Variants in CSMD2 observed in about 807,000 individuals in gnomAD.
The protein encoded by CSMD2 is CUB and sushi domain-containing protein 2.
A neutral mutation model predicts 398.5 loss-of-function variants in CSMD2; 130 were observed. That is an observed-to-expected ratio of 0.33 (90% CI 0.28 to 0.38). CSMD2 has a LOEUF of 0.38. Ranked by LOEUF, CSMD2 falls within the 10% of genes least tolerant of loss-of-function variation. CSMD2 has a pLI of 1.00. For missense variants in CSMD2, 3,829 were observed against 4,764.9 expected, an observed-to-expected ratio of 0.80 and a Z score of 5.78; for synonymous variants, 1,828 against 1,908.5, an observed-to-expected ratio of 0.96 and a Z score of 1.10.
In CSMD2 at chr1:34,134,238, C is replaced by T. The variant is rs537258067; in HGVS notation, c.187+30673G>A. On this transcript the variant is annotated intron_variant, in intron 1 of 70. Coordinates refer to ENST00000373381, the MANE Select transcript of CSMD2 (RefSeq NM_001281956.2). ...GCCAACACTCTTTGCCCTAGATCTT[C>T]AAACTCTTCTTTAAATCTCAACCCA... Among the ~76,000 whole-genome samples, 12 of 152,180 alleles carry T rather than the reference C, an allele frequency of 7.9e-5. 1 individual carries two copies. Among genetic ancestry groups the T allele is most frequent in the Non-Finnish European group, 1.3e-4 (9 of 68,020 alleles).
intron 6 of CSMD2, among the ~76,000 whole-genome samples, chr1:33,833,833 A>C (rs961767094): frequency 6.6e-6 from 1 of 152,110 alleles, no homozygotes; most frequent in African/African-American, 2.4e-5. Context: ...TACAAAAATC[A>C]CAAGCATTCT....
intron 16 of CSMD2, among the ~76,000 whole-genome samples, chr1:33,726,180 G>C (rs1170057587): frequency 6.6e-6 from 1 of 152,128 alleles, no homozygotes; most frequent in Non-Finnish European, 1.5e-5. Context: ...GTGGGGGGCT[G>C]CCTTCCCACG....
chr1:34,083,133 T>G (rs955071098), intron 2 of CSMD2, among the ~76,000 whole-genome samples: 1 of 150,258 alleles, frequency 6.7e-6, no homozygotes, highest in Non-Finnish European at 1.5e-5. Flanking sequence ...CATAGGCAGC[T>G]CTTTGGAGAA....
At chr1:34,053,663 A>G (rs1321218669) in intron 2 of CSMD2, among the ~76,000 whole-genome samples, 2 of 152,202 alleles carry the variant, frequency 1.3e-5, no homozygotes, top group Non-Finnish European at 2.9e-5. Flanking sequence ...TGCTATTTCC[A>G]GGCATCCTCC....
In CSMD2 at chr1:33,571,738, A is replaced by C. The variant is rs1483816127; in HGVS notation, c.7763-12T>G. On this transcript the variant is annotated splice_polypyrimidine_tract_variant and intron_variant, in intron 50 of 70. Transcript: ENST00000373381. ...AGGACAAGTCACAGCTGGGGAAATG[A>C]GGAAAAGAAAGGAGGATTAATTACT... 6.9e-7 allele frequency: 1 copy of C among 1,446,328 alleles called. No individual in the cohort carries two copies. The highest frequency in any genetic ancestry group is 9.2e-7 in the Non-Finnish European group (1 of 1,083,372). 89.6% of individuals were successfully genotyped at this position (1,446,328 alleles called of 1,614,324 possible). A position where few individuals can be genotyped will look rare whatever the true frequency, so the allele number is the denominator to read the frequency against.
At chr1:34,069,586 C>G (rs531073400) in intron 2 of CSMD2, among the ~76,000 whole-genome samples, 36 of 152,328 alleles carry the variant, frequency 2.4e-4, no homozygotes, top group Non-Finnish European at 2.9e-5. Flanking sequence ...AAAGCTCTTT[C>G]TGAATTCCCT....
intron 48 of CSMD2, among the ~76,000 whole-genome samples, chr1:33,579,285 T>G (rs1157615128): frequency 1.3e-5 from 2 of 152,176 alleles, no homozygotes; most frequent in African/African-American, 4.8e-5. Flanking sequence ...AAGTTTCTTT[T>G]CCATCATGCG....
chr1:33,555,819 T>G (rs397397), intron 55 of CSMD2, among the ~76,000 whole-genome samples: 2 of 152,370 alleles, frequency 1.3e-5, no homozygotes, highest in Non-Finnish European at 2.9e-5. Context: ...ACTAAAAAAT[T>G]TGTGTGACTT....
intron 3 of CSMD2, among the ~76,000 whole-genome samples, chr1:34,025,870 G>A (rs985330360): frequency 1.3e-5 from 2 of 152,192 alleles, no homozygotes; most frequent in Non-Finnish European, 2.9e-5. Flanking sequence ...CCGTCTGGCT[G>A]TAAAGCTAGA....
chr1:33,758,287 TAG>T (rs1232171364), intron 13 of CSMD2, among the ~76,000 whole-genome samples: 1 of 152,222 alleles, frequency 6.6e-6, no homozygotes, highest in Non-Finnish European at 1.5e-5. Flanking sequence ...GCTGCAGTGA[TAG>T]AGTCTGTATG....
intron 3 of CSMD2, among the ~76,000 whole-genome samples, chr1:33,947,844 T>C (rs1022478950): frequency 6.6e-6 from 1 of 152,212 alleles, no homozygotes; most frequent in Non-Finnish European, 1.5e-5. Context: ...TCTCATTTAA[T>C]GCTCATAATA....
At chr1:33,760,649 T>C (rs1041317313) in intron 13 of CSMD2, among the ~76,000 whole-genome samples, 4 of 152,160 alleles carry the variant, frequency 2.6e-5, no homozygotes, top group Admixed American at 2.0e-4. Flanking sequence ...AAAAATGGGA[T>C]TAATAACTTC....
In CSMD2 at chr1:33,633,347, T is replaced by C; in HGVS notation, c.5200+75A>G. On this transcript the variant is annotated intron_variant, in intron 32 of 70. Transcript: ENST00000373381. The surrounding 1 kb of genome is among the most constrained non-coding windows in gnomAD (Gnocchi z 5.0). Reference sequence around the variant, plus strand: ...TCCACCTGCGGCCATGGGGTGCTTCTAGAGCCTCCTTCCTTTAGCCGGACG... The same window carrying C: ...TCCACCTGCGGCCATGGGGTGCTTCCAGAGCCTCCTTCCTTTAGCCGGACG... 8.7e-7 allele frequency: 1 copy of C among 1,143,666 alleles called. No homozygotes were observed. 70.8% of individuals were successfully genotyped at this position (1,143,666 alleles called of 1,614,324 possible).
intron 1 of CSMD2, among the ~76,000 whole-genome samples, chr1:34,151,949 C>T (rs1485443943): frequency 6.6e-6 from 1 of 152,042 alleles, no homozygotes; most frequent in Non-Finnish European, 1.5e-5. Context: ...CTCAAGCCAT[C>T]CCCCGGCCTC....
chr1:33,997,062 G>T (rs915906612), intron 3 of CSMD2, among the ~76,000 whole-genome samples: 5 of 152,190 alleles, frequency 3.3e-5, no homozygotes, highest in African/African-American at 1.2e-4. Context: ...TGGGTTTTGT[G>T]TTCTCAACCC....
At chr1:33,783,981 AC>A (rs1653181213) in intron 12 of CSMD2, among the ~76,000 whole-genome samples, 2 of 148,292 alleles carry the variant, frequency 1.3e-5, no homozygotes, top group Admixed American at 1.4e-4. Context: ...CCCGGCCCCC[AC>A]CATGTGACTC....
intron 13 of CSMD2, among the ~76,000 whole-genome samples, chr1:33,764,941 A>G (rs137917576): frequency 4.5e-4 from 68 of 152,342 alleles, no homozygotes; most frequent in African/African-American, 1.6e-3. Context: ...TGTGGCATTG[A>G]GGTCAGGGTG....
chr1:34,157,652 C>G (rs1010735686), intron 1 of CSMD2, among the ~76,000 whole-genome samples: 1 of 151,068 alleles, frequency 6.6e-6, no homozygotes, highest in Non-Finnish European at 1.5e-5. Context: ...ACTGCACACC[C>G]CACCCTCTCG....
chr1:33,798,729 A>G (rs1440735813), intron 10 of CSMD2, among the ~76,000 whole-genome samples: 1 of 152,206 alleles, frequency 6.6e-6, no homozygotes, highest in African/African-American at 2.4e-5. Flanking sequence ...GTCCAAGAGC[A>G]TGAGGAGAAA....
Sources: gnomAD v4.1 joint callset for allele counts (sites outside exome capture counted in the v4.1 genomes callset) on GRCh38, gnomAD v4.1.1 for gene constraint, Gnocchi (gnomAD v3.1) non-coding constraint, MANE v1.5 for transcripts, NCBI Gene and HGNC (gene_info 2026-07-23, HGNC 2026-07-21) for gene names.